Variants in SEMA3A observed in about 807,000 individuals in gnomAD.
SEMA3A encodes semaphorin-3A.
SEMA3A carries 29 observed loss-of-function variants against 97.9 expected under a neutral mutation model. That is an observed-to-expected ratio of 0.30 (90% CI 0.22 to 0.40). The LOEUF is 0.40. SEMA3A is among the 10% of genes least tolerant of loss of function. The pLI is 1.00. For synonymous variants in SEMA3A, 321 were observed against 323.7 expected, an observed-to-expected ratio of 0.99 and a Z score of 0.09; for missense variants, 763 against 951.3, an observed-to-expected ratio of 0.80 and a Z score of 2.60.
chr7:84,399,766 T>C (rs1803848736), intron 1 of SEMA3A, among the ~76,000 whole-genome samples: 1 of 152,164 alleles, frequency 6.6e-6, no homozygotes, highest in Non-Finnish European at 1.5e-5. Flanking sequence ...GAATAAACAT[T>C]GGTGGCAGTC....
chr7:84,130,956 A>G (rs1795945490), intron 2 of SEMA3A, among the ~76,000 whole-genome samples: 1 of 152,032 alleles, frequency 6.6e-6, no homozygotes, highest in Non-Finnish European at 1.5e-5. Flanking sequence ...TCGTTGCTTA[A>G]TTGTTGAGAC....
At chr7:84,169,088 G>A (rs1047038396) in intron 1 of SEMA3A, among the ~76,000 whole-genome samples, 1 of 151,580 alleles carries the variant, frequency 6.6e-6, no homozygotes, top group African/African-American at 2.4e-5. Flanking sequence ...TGCATACCAA[G>A]TGTTTCAAAT....
intron 1 of SEMA3A, among the ~76,000 whole-genome samples, chr7:84,171,139 A>G (rs1797371363): frequency 6.6e-6 from 1 of 152,118 alleles, no homozygotes; most frequent in Non-Finnish European, 1.5e-5. Context: ...AATCCCCTGA[A>G]TAGTTATTTC....
intron 1 of SEMA3A, among the ~76,000 whole-genome samples, chr7:84,476,719 T>C (rs531762847): frequency 2.4e-4 from 36 of 152,252 alleles, no homozygotes; most frequent in African/African-American, 8.7e-4. Context: ...TAGAAAAATA[T>C]AGTTAGAAAA....
rs1487057421 is a variant in SEMA3A at position 83,957,770 on chromosome 7, A to G, written c.*3601T>C. 1 of 152,114 alleles carries G rather than the reference A, an allele frequency of 6.6e-6. No individual in the cohort carries two copies. Among genetic ancestry groups the G allele is most frequent in the African/African-American group, 2.4e-5 (1 of 41,440 alleles). 9.4% of individuals were successfully genotyped at this position (152,114 alleles called of 1,614,324 possible). ...TGGAAACATGTATTTGCAAACATTA[A>G]CATTGACTTCAAATAATTATTACAA... On this transcript the variant is annotated 3_prime_UTR_variant, in exon 17 of 17. Transcript: ENST00000265362.
chr7:84,315,084 T>A (rs78045863), intron 2 of SEMA3A, among the ~76,000 whole-genome samples: 1 of 152,122 alleles, frequency 6.6e-6, no homozygotes, highest in Non-Finnish European at 1.5e-5. Flanking sequence ...GATCAACAAG[T>A]CAATCATTTC....
chr7:83,998,541 C>T (rs1028482971), intron 12 of SEMA3A, among the ~76,000 whole-genome samples: 3 of 152,104 alleles, frequency 2.0e-5, no homozygotes, highest in Non-Finnish European at 4.4e-5. Flanking sequence ...CTACTGCAGA[C>T]TTTATAGTCG....
chr7:84,460,643 A>T (rs1421449734), intron 1 of SEMA3A, among the ~76,000 whole-genome samples: 2 of 152,248 alleles, frequency 1.3e-5, no homozygotes, highest in African/African-American at 4.8e-5. Flanking sequence ...ATAACCTGGA[A>T]ACCAGCAATT....
chr7:84,062,103 A>G (rs1793240236), intron 4 of SEMA3A, among the ~76,000 whole-genome samples: 1 of 152,228 alleles, frequency 6.6e-6, no homozygotes, highest in South Asian at 2.1e-4. Flanking sequence ...TTTTAAAAGC[A>G]GCAAAATTTT....
At chr7:84,459,719 G>T (rs1672028521) in intron 1 of SEMA3A, among the ~76,000 whole-genome samples, 1 of 151,978 alleles carries the variant, frequency 6.6e-6, no homozygotes, top group Admixed American at 6.6e-5. Context: ...AATTAATTTT[G>T]ATTTAATTAA....
chr7:84,084,095 C>A (rs982218406), intron 4 of SEMA3A, among the ~76,000 whole-genome samples: 1 of 152,038 alleles, frequency 6.6e-6, no homozygotes, highest in Non-Finnish European at 1.5e-5. Context: ...AAGCACTAAT[C>A]ATTTCAATGC....
chr7:84,230,140 G>T (rs983504046), intron 3 of SEMA3A, among the ~76,000 whole-genome samples: 1 of 151,738 alleles, frequency 6.6e-6, no homozygotes, highest in Non-Finnish European at 1.5e-5. Context: ...CCTTTTTTAT[G>T]ATATGGCCTT....
intron 3 of SEMA3A, among the ~76,000 whole-genome samples, chr7:84,214,142 T>C (rs1041034716): frequency 6.6e-6 from 1 of 152,208 alleles, no homozygotes; most frequent in Non-Finnish European, 1.5e-5. Context: ...ATAGATACTT[T>C]TTTGTACAAT....
chr7:84,181,476 T>C (rs1297136212), intron 1 of SEMA3A, among the ~76,000 whole-genome samples: 4 of 151,892 alleles, frequency 2.6e-5, no homozygotes, highest in Non-Finnish European at 4.4e-5. Flanking sequence ...GCAAAAGTAG[T>C]TTTTCAGAGA....
chr7:83,985,052 A>T (rs1002658445), intron 13 of SEMA3A, among the ~76,000 whole-genome samples: 8 of 152,070 alleles, frequency 5.3e-5, no homozygotes, highest in Admixed American at 3.9e-4. Flanking sequence ...TAAATTATAA[A>T]TTTTTTTTAT....
intron 5 of SEMA3A, among the ~76,000 whole-genome samples, chr7:84,056,737 C>T (rs919480329): frequency 2.6e-5 from 4 of 151,956 alleles, no homozygotes; most frequent in Non-Finnish European, 4.4e-5. Flanking sequence ...ATTTTGGCTT[C>T]GTTACTTATG....
At chr7:84,298,801 T>C (rs1800927834) in intron 3 of SEMA3A, among the ~76,000 whole-genome samples, 1 of 152,084 alleles carries the variant, frequency 6.6e-6, no homozygotes, top group East Asian at 1.9e-4. Context: ...CCAAAGGAGA[T>C]TAACATTTGA....
intron 15 of SEMA3A, 118 bp downstream of exon 15, chr7:83,977,014 C>T (rs189219847): frequency 5.0e-4 from 236 of 473,834 alleles, no homozygotes; most frequent in African/African-American, 4.8e-3. Flanking sequence ...TACTTCTCTT[C>T]GGCTGCATTT....
chr7:84,491,763 G>A (rs1393319500), intron 1 of SEMA3A, among the ~76,000 whole-genome samples: 1 of 152,136 alleles, frequency 6.6e-6, no homozygotes, highest in Non-Finnish European at 1.5e-5. Context: ...TAAACGCAAT[G>A]TGAAGACTGC....
Sources: gnomAD v4.1 joint callset for allele counts (sites outside exome capture counted in the v4.1 genomes callset) on GRCh38, gnomAD v4.1.1 for gene constraint, MANE v1.5 for transcripts, NCBI Gene and HGNC (gene_info 2026-07-23, HGNC 2026-07-21) for gene names.